HERC4: variants seen among roughly 807,000 people sequenced by gnomAD.
The protein encoded by HERC4 is HECT and RLD domain containing E3 ubiquitin protein ligase 4, also known as probable E3 ubiquitin-protein ligase HERC4.
Under a neutral mutation model 124.3 loss-of-function variants are expected in HERC4, and 28 were observed. The ratio of observed to expected loss-of-function variants is 0.23; its 90% CI spans 0.17 to 0.31. The LOEUF (loss-of-function observed/expected upper bound fraction) is 0.31. Among genes scored for constraint, HERC4 ranks in the 10% least tolerant of loss-of-function variants. HERC4 has a pLI of 1.00. For synonymous variants in HERC4, 407 were observed against 421.5 expected, an observed-to-expected ratio of 0.97 and a Z score of 0.42; for missense variants, 713 against 1,229.3, an observed-to-expected ratio of 0.58 and a Z score of 6.28.
chr10:67,969,724 G>A lies in HERC4; in HGVS notation c.1807-2922C>T, dbSNP rs114346000. On this transcript the variant is annotated intron_variant, in intron 15 of 24. Coordinates refer to ENST00000373700, the MANE Select transcript of HERC4 (RefSeq NM_015601.4). The stretch of plus-strand genomic sequence containing the variant: ...TCAGAATCTTATATCAGTAGGACTA[G>A]AGGTCTGCAATTGCTGGGGGAGGGA... 6.1e-3 allele frequency among the ~76,000 whole-genome samples: 925 copies of A among 152,224 alleles called. 13 individuals are homozygous for A. Among genetic ancestry groups the A allele is most frequent in the African/African-American group, 0.021 (861 of 41,514 alleles).
At chr10:67,975,739 C>T (rs538438441) in intron 15 of HERC4, among the ~76,000 whole-genome samples, 42 of 152,312 alleles carry the variant, frequency 2.8e-4, no homozygotes, top group South Asian at 1.5e-3. Flanking sequence ...TTAAAAAGCA[C>T]ACATTTAATA....
intron 3 of HERC4, among the ~76,000 whole-genome samples, chr10:68,046,145 GAAAA>G (rs967768587): frequency 9.0e-5 from 13 of 143,844 alleles, no homozygotes; most frequent in African/African-American, 3.1e-4. Context: ...AAAAAAAAAA[GAAAA>G]AATACTTAGA....
In HERC4 at chr10:67,983,785, T is replaced by TCA. The variant is rs35448851; in HGVS notation, c.1806+4876_1806+4877dup. Among the ~76,000 whole-genome samples, 42 of 14,136 alleles carry TCA rather than the reference T, an allele frequency of 3.0e-3. 1 individual carries two copies. The East Asian group carries it at 0.06, about 20-fold the overall frequency. The allele number at this position is 14,136 out of a possible 152,430, so 9.3% of individuals were successfully genotyped here. On this transcript the variant is annotated intron_variant, in intron 15 of 24. Transcript: ENST00000373700. Reference sequence around the variant, plus strand: ...CTGGGCAACAGAGGAAGACTCTGTCTCAAAAAAAAAAAAAAAAAAATACAA... The same window carrying TCA: ...CTGGGCAACAGAGGAAGACTCTGTCTCACAAAAAAAAAAAAAAAAAAATACAA...
rs1479358468 is a variant in HERC4, at chr10:68,044,574, C to G, written c.227-11G>C. 2 of 1,609,816 alleles carry G rather than the reference C, an allele frequency of 1.2e-6. No individual in the cohort carries two copies. The highest frequency in any genetic ancestry group is 2.7e-5 in the African/African-American group (2 of 74,770). ...GGGCAACAACCTGCTCTACAGAAATCAAGAAGAGAAATATTGCATTCTAGT... is the reference window on the plus strand; with the variant it reads ...GGGCAACAACCTGCTCTACAGAAATGAAGAAGAGAAATATTGCATTCTAGT... On this transcript the variant is annotated splice_polypyrimidine_tract_variant and intron_variant, in intron 3 of 24. Transcript: ENST00000373700.
intron 15 of HERC4, among the ~76,000 whole-genome samples, chr10:67,974,399 CT>C (rs1420723603): frequency 2.6e-5 from 4 of 152,158 alleles, no homozygotes; most frequent in Non-Finnish European, 5.9e-5. Context: ...AACTAGCTAA[CT>C]TTCCTTTGAA....
Position 67,955,083 on chromosome 10 carries a change from G to C in HERC4, c.2073C>G (p.Leu691=). The C allele has an allele frequency of 6.3e-7, 1 of 1,591,378 alleles. No homozygotes were observed. Among genetic ancestry groups the C allele is most frequent in the East Asian group, 2.4e-5 (1 of 42,546 alleles). Residue 691 remains leucine, a synonymous_variant, in exon 18 of 25, where the codon CTC becomes CTG. Transcript: ENST00000373700. ...AHRQNVSSLF[L]PVIESVNPCL... is the part of the protein sequence containing the mutation. ...AGGGATTCACAGATTCAATCACTGG[G>C]AGAAAAAGAGAGGAGACATTCTGCC...
At chr10:68,049,675 C>G (rs1394726180) in intron 3 of HERC4, among the ~76,000 whole-genome samples, 1 of 149,186 alleles carries the variant, frequency 6.7e-6, no homozygotes, top group Non-Finnish European at 1.5e-5. Flanking sequence ...CTTTGGGAGG[C>G]TGAGGCGGGA....
chr10:68,041,391 A>T (rs2039760916), intron 4 of HERC4, among the ~76,000 whole-genome samples: 1 of 152,176 alleles, frequency 6.6e-6, no homozygotes, highest in Non-Finnish European at 1.5e-5. Context: ...ATACCATTAA[A>T]AACTACTCTT....
intron 8 of HERC4, 131 bp downstream of exon 8, chr10:68,025,415 C>T (rs2038850591): frequency 1.1e-6 from 1 of 949,482 alleles, no homozygotes; most frequent in Non-Finnish European, 1.6e-6. Context: ...TATGACTCCT[C>T]AGTGGCAAAA....
At chr10:68,039,722 A>G (rs1162403842) in intron 4 of HERC4, 3 of 1,328,902 alleles carry the variant, frequency 2.3e-6, no homozygotes, top group East Asian at 6.1e-5. Context: ...TGGCAATGCA[A>G]ACAGAGTAAG....
chr10:68,039,315 CAAAAAAA>C (rs5785844), intron 4 of HERC4: 82 of 1,097,884 alleles, frequency 7.5e-5, no homozygotes, highest in Middle Eastern at 3.1e-4. Context: ...GACCCTGTCT[CAAAAAAA>C]AAAAAAAAAA....
intron 3 of HERC4, among the ~76,000 whole-genome samples, chr10:68,050,403 G>A (rs554143745): frequency 5.3e-5 from 8 of 152,284 alleles, no homozygotes; most frequent in South Asian, 2.1e-4. Flanking sequence ...CTTAGAGTAA[G>A]TAGTTAAAGC....
intron 1 of HERC4, chr10:68,073,929 C>G (rs917411638): frequency 6.6e-6 from 1 of 152,038 alleles, no homozygotes; most frequent in African/African-American, 2.4e-5. Flanking sequence ...ATTTAAATAT[C>G]AATTCTCTCC....
rs1052048431 is a variant in HERC4, at chr10:68,072,784, G to A, written c.226+99C>T. 1.5e-5 allele frequency: 12 copies of A among 804,392 alleles called. 1 individual carries two copies. In the South Asian group the frequency reaches 2.5e-4, roughly 17 times the overall value. 49.8% of individuals were successfully genotyped at this position (804,392 alleles called of 1,614,324 possible). On this transcript the variant is annotated intron_variant, in intron 3 of 24. Transcript: ENST00000373700. ...AACTTCTACTTTGCTTTTAAAGCTTGATAAACATATAGTTACAACTAGAGA... is the reference window on the plus strand; with the variant it reads ...AACTTCTACTTTGCTTTTAAAGCTTAATAAACATATAGTTACAACTAGAGA...
At position 67,922,985 on chromosome 10, in the gene HERC4, TAG is replaced by T. The variant is rs1321068878; in HGVS notation, c.3094_3095del (p.Leu1032ThrfsTer3). 1.2e-6 allele frequency: 2 copies of T among 1,613,904 alleles called. No individual in the cohort carries two copies. Among genetic ancestry groups the T allele is most frequent in the Non-Finnish European group, 1.7e-6 (2 of 1,179,818 alleles). ...DLPKYTEKET[L>X]RSKLIQAIDH... Reference sequence around the variant, plus strand: ...CAATAGCTTGGATCAGTTTAGAGCGTAGAGTTTCTTTTTCTGTATATTTTGGA... The same window carrying T: ...CAATAGCTTGGATCAGTTTAGAGCGTAGTTTCTTTTTCTGTATATTTTGGA... On this transcript the variant is annotated frameshift_variant, in exon 25 of 25. Coordinates refer to ENST00000373700, the MANE Select transcript of HERC4 (RefSeq NM_015601.4). LOFTEE classifies it high-confidence loss of function.
At chr10:68,038,838 C>A (rs1205109119) in intron 4 of HERC4, among the ~76,000 whole-genome samples, 1 of 152,120 alleles carries the variant, frequency 6.6e-6, no homozygotes, top group Non-Finnish European at 1.5e-5. Context: ...TCCTTCCCCC[C>A]TTTCCTGAGT....
chr10:67,998,607 T>C (rs1298309616), intron 9 of HERC4, among the ~76,000 whole-genome samples: 1 of 152,010 alleles, frequency 6.6e-6, no homozygotes, highest in African/African-American at 2.4e-5. Flanking sequence ...TCAGTTATTA[T>C]TTAAAATGTT....
rs1210035491 is a variant in HERC4 at position 67,946,341 on chromosome 10, A to G, written c.2338-5236T>C. Among the ~76,000 whole-genome samples the G allele has an allele frequency of 2.1e-4, 26 of 125,922 alleles. No homozygotes were observed. In the South Asian group the frequency reaches 6.8e-3, roughly 33 times the overall value. 82.6% of individuals were successfully genotyped at this position (125,922 alleles called of 152,430 possible). A position where few individuals can be genotyped will look rare whatever the true frequency, so the allele number is the denominator to read the frequency against. ...AAGACACAGACTAGGTAAATGGATA[A>G]AACACAAACACACACACACACACAC... On this transcript the variant is annotated intron_variant, in intron 19 of 24. Coordinates refer to ENST00000373700, the MANE Select transcript of HERC4 (RefSeq NM_015601.4).
chr10:68,012,008 T>G (rs749797144), intron 9 of HERC4, among the ~76,000 whole-genome samples: 1 of 152,194 alleles, frequency 6.6e-6, no homozygotes, highest in African/African-American at 2.4e-5. Flanking sequence ...ACTTTTACAT[T>G]ATGGAGATGG....
Sources: gnomAD v4.1 joint callset for allele counts (sites outside exome capture counted in the v4.1 genomes callset) on GRCh38, gnomAD v4.1.1 for gene constraint, MANE v1.5 for transcripts, NCBI Gene and HGNC (gene_info 2026-07-23, HGNC 2026-07-21) for gene names.